EXD1: variants seen among roughly 807,000 people sequenced by gnomAD.
EXD1 encodes exonuclease 3'-5' domain containing 1.
Under a neutral mutation model 49.1 loss-of-function variants are expected in EXD1, and 63 were observed. The ratio of observed to expected loss-of-function variants is 1.28; its 90% CI spans 1.05 to 1.58. The LOEUF (loss-of-function observed/expected upper bound fraction) is 1.58. Ranked by LOEUF, EXD1 falls within the 40% of genes most tolerant of loss-of-function variation. The pLI is 0.00. For missense variants in EXD1, 748 were observed against 666.0 expected, an observed-to-expected ratio of 1.12 and a Z score of -1.36; for synonymous variants, 234 against 239.2, an observed-to-expected ratio of 0.98 and a Z score of 0.20.
chr15:41,213,570 T>C (rs1441455595), intron 6 of EXD1, among the ~76,000 whole-genome samples: 2 of 143,450 alleles, frequency 1.4e-5, no homozygotes, highest in Admixed American at 7.0e-5. Flanking sequence ...GGCTGGAGTA[T>C]AGTGGCATGA....
chr15:41,189,939 C>A lies in EXD1; in HGVS notation c.1054G>T (p.Glu352Ter). 1.2e-6 allele frequency: 2 copies of A among 1,613,680 alleles called. No individual in the cohort carries two copies. ...EGSADRLGGT[E>*]PTCMELPEEL... is the part of the protein sequence containing the mutation. ...TGAAGACAGAGAGCTGCACCTACCT[C>A]AGTGCCTCCAAGCCGGTCTGCAGAC... The change falls in exon 11 of 12, where the codon GAG becomes TAG. Residue 352 changes from glutamate (E) to a stop codon, truncating the protein, a stop_gained and splice_region_variant. Transcript: ENST00000458580. LOFTEE classifies it low-confidence loss of function (END_TRUNC).
At chr15:41,216,618 C>G (rs370685425) in intron 5 of EXD1, 50 bp downstream of exon 5, 2 of 1,543,606 alleles carry the variant, frequency 1.3e-6, no homozygotes, top group Non-Finnish European at 8.7e-7. Context: ...GCAACAAGAG[C>G]GAAACTCCAT....
intron 7 of EXD1, among the ~76,000 whole-genome samples, chr15:41,197,647 T>C (rs2140841108): frequency 6.6e-6 from 1 of 151,874 alleles, no homozygotes; most frequent in South Asian, 2.1e-4. Flanking sequence ...TGAAAGAGAC[T>C]TTCCCTTTTT....
intron 7 of EXD1, among the ~76,000 whole-genome samples, chr15:41,199,604 A>T (rs2046674320): frequency 7.0e-6 from 1 of 143,662 alleles, no homozygotes; most frequent in Non-Finnish European, 1.5e-5. Flanking sequence ...TATATATATT[A>T]TATATTATAT....
intron 11 of EXD1, among the ~76,000 whole-genome samples, chr15:41,187,300 G>A (rs2046426861): frequency 6.6e-6 from 1 of 152,042 alleles, no homozygotes; most frequent in Non-Finnish European, 1.5e-5. Context: ...ATGTTGGCCA[G>A]GCTGGTCTTG....
chr15:41,212,338 C>T (rs945041997), intron 6 of EXD1, among the ~76,000 whole-genome samples: 1 of 151,822 alleles, frequency 6.6e-6, no homozygotes, highest in Non-Finnish European at 1.5e-5. Context: ...ACCTGTAGTC[C>T]CAGCTACTCA....
At chr15:41,211,482 A>C (rs1391470002) in intron 6 of EXD1, among the ~76,000 whole-genome samples, 3 of 152,008 alleles carry the variant, frequency 2.0e-5, no homozygotes, top group Non-Finnish European at 4.4e-5. Context: ...ATACATAAAT[A>C]ATACTTACAA....
intron 11 of EXD1, among the ~76,000 whole-genome samples, chr15:41,188,896 G>A (rs1198853945): frequency 2.7e-5 from 4 of 148,152 alleles, no homozygotes; most frequent in East Asian, 2.0e-4. Context: ...TCCACCTCCC[G>A]GGTTCAAGCT....
At chr15:41,225,896 C>T (rs1345772260) in intron 2 of EXD1, among the ~76,000 whole-genome samples, 1 of 125,630 alleles carries the variant, frequency 8.0e-6, no homozygotes, top group African/African-American at 4.2e-5. Flanking sequence ...AAAAACAAAA[C>T]AAAACAAAAC....
intron 5 of EXD1, 69 bp from the exon 6 acceptor site, chr15:41,215,902 T>C (rs1011869244): frequency 2.0e-5 from 31 of 1,537,768 alleles, no homozygotes; most frequent in Non-Finnish European, 2.7e-5. Flanking sequence ...TCAATAATTT[T>C]GGCCACACTC....
intron 11 of EXD1, among the ~76,000 whole-genome samples, chr15:41,186,615 T>C (rs1207657591): frequency 6.6e-6 from 1 of 152,058 alleles, no homozygotes; most frequent in African/African-American, 2.4e-5. Context: ...TTAGCTATTA[T>C]AAGTAATCTA....
chr15:41,216,304 TAA>T (rs539573586), intron 5 of EXD1, among the ~76,000 whole-genome samples: 12 of 137,448 alleles, frequency 8.7e-5, no homozygotes, highest in South Asian at 2.3e-4. Flanking sequence ...CTGACCTGGT[TAA>T]AAAAAAAAAA....
At chr15:41,195,507 C>T (rs1369331179) in intron 9 of EXD1, among the ~76,000 whole-genome samples, 1 of 152,102 alleles carries the variant, frequency 6.6e-6, no homozygotes, top group Non-Finnish European at 1.5e-5. Flanking sequence ...GCTATGGAGT[C>T]TGAATCTTGC....
rs35333634 is a variant in EXD1 at position 41,220,274 on chromosome 15, C to CT, written c.134-377dup. ...AAAAAAATTTAAGGGCAGCCTGCAA[C>CT]TTTTTTTTTTTTTTGAGATGGAGTC... On this transcript the variant is annotated intron_variant, in intron 2 of 11. Coordinates refer to ENST00000458580, the MANE Select transcript of EXD1 (RefSeq NM_001286441.2). Among the ~76,000 whole-genome samples, 1,372 of 144,738 alleles carry CT rather than the reference C, an allele frequency of 9.5e-3. 19 individuals carry two copies. The highest frequency in any genetic ancestry group is 0.029 in the African/African-American group (1,146 of 39,814). 95.0% of individuals were successfully genotyped at this position (144,738 alleles called of 152,430 possible). A position where few individuals can be genotyped will look rare whatever the true frequency, so the allele number is the denominator to read the frequency against.
Position 41,216,735 on chromosome 15 carries a change from C to A in EXD1, c.321G>T (p.Glu107Asp). The A allele has an allele frequency of 4.3e-6, 7 of 1,613,870 alleles. No individual in the cohort carries two copies. Among genetic ancestry groups the A allele is most frequent in the Non-Finnish European group, 5.9e-6 (7 of 1,180,030 alleles). ...KMKVEDLNVC[E>D]PASPAPEAPA... ...GTGCTTCAGGGGCAGGAGAAGCAGG[C>A]TCACATACATTTAGGTCTTCAACTT... is the stretch of plus-strand genomic sequence containing the variant. Residue 107 changes from glutamate to aspartate, a missense_variant, in exon 5 of 12, where the codon GAG (glutamate) becomes GAT (aspartate). Physicochemically the swap from Glu to Asp is conservative, Grantham distance 45. Transcript: ENST00000458580.
At chr15:41,189,397 T>C (rs1387976959) in intron 11 of EXD1, among the ~76,000 whole-genome samples, 1 of 145,780 alleles carries the variant, frequency 6.9e-6, no homozygotes, top group Non-Finnish European at 1.5e-5. Flanking sequence ...GGCGTGGTGG[T>C]TCATGCCTGT....
intron 7 of EXD1, among the ~76,000 whole-genome samples, chr15:41,205,392 A>C (rs533242169): frequency 2.6e-5 from 4 of 152,228 alleles, no homozygotes; most frequent in South Asian, 4.1e-4. Flanking sequence ...TGCATGAGAA[A>C]CCATGCTTGG....
chr15:41,204,843 A>G (rs1326811826), intron 7 of EXD1, among the ~76,000 whole-genome samples: 1 of 152,174 alleles, frequency 6.6e-6, no homozygotes, highest in Non-Finnish European at 1.5e-5. Context: ...GGCCATAAAA[A>G]TGATCTGACC....
At position 41,226,455 on chromosome 15, in the gene EXD1, C is replaced by A; in HGVS notation, c.121G>T (p.Val41Phe). 3 of 1,535,920 alleles carry A rather than the reference C, an allele frequency of 2.0e-6. No homozygotes were observed. Among genetic ancestry groups the A allele is most frequent in the Non-Finnish European group, 2.6e-6 (3 of 1,146,856 alleles). Reference sequence around the variant, plus strand: ...AATAGAACAAGACCTTTCTTCAGGACAACAATCTTATTAGGGTCAACATGC... The same window carrying A: ...AATAGAACAAGACCTTTCTTCAGGAAAACAATCTTATTAGGGTCAACATGC... ...LQHVDPNKIV[V>F]LKKVKNVETG... The change falls in exon 2 of 12, where the codon GTC becomes TTC. Residue 41 changes from valine (V) to phenylalanine (F), a missense_variant. Val to Phe is a conservative substitution (Grantham distance 50). Transcript: ENST00000458580.
Sources: gnomAD v4.1 joint callset for allele counts (sites outside exome capture counted in the v4.1 genomes callset) on GRCh38, gnomAD v4.1.1 for gene constraint, MANE v1.5 for transcripts, NCBI Gene and HGNC (gene_info 2026-07-23, HGNC 2026-07-21) for gene names.